Variants in ROBO3 observed in about 807,000 individuals in gnomAD.
ROBO3 encodes roundabout homolog 3.
In ROBO3, 97 loss-of-function variants were observed where a neutral mutation model predicts 160.5. The observed-to-expected ratio is 0.60, with a 90% confidence interval of 0.51 to 0.72. The LOEUF (loss-of-function observed/expected upper bound fraction) is 0.72. ROBO3 is among the 30% of genes least tolerant of loss of function. The pLI is 0.00. For missense variants in ROBO3, 1,858 were observed against 1,846.5 expected, an observed-to-expected ratio of 1.01 and a Z score of -0.11; for synonymous variants, 780 against 746.2, an observed-to-expected ratio of 1.05 and a Z score of -0.74.
Position 124,865,825 on chromosome 11 carries a change from C to G in ROBO3, c.160+88C>G, listed in dbSNP as rs1946188962. 1 of 1,407,724 alleles carries G rather than the reference C, an allele frequency of 7.1e-7. No individual in the cohort carries two copies. Among genetic ancestry groups the G allele is most frequent in the East Asian group, 2.5e-5 (1 of 40,156 alleles). 87.2% of individuals were successfully genotyped at this position (1,407,724 alleles called of 1,614,324 possible). Reference sequence around the variant, plus strand: ...GGAAGGGAAGGAGAAGCGCTCCTGTCCCGAGGTCCGGGATTGAGTGGCGCC... The same window carrying G: ...GGAAGGGAAGGAGAAGCGCTCCTGTGCCGAGGTCCGGGATTGAGTGGCGCC... On this transcript the variant is annotated intron_variant, in intron 1 of 27. Transcript: ENST00000397801. This position sits in a 1 kb window ranked among gnomAD's most constrained non-coding sequence, Gnocchi z 5.5.
In ROBO3 at chr11:124,878,485, G is replaced by C. The variant is rs1306198420; in HGVS notation, c.3320+49G>C. 2.5e-6 allele frequency: 4 copies of C among 1,604,556 alleles called. No individual in the cohort carries two copies. Among genetic ancestry groups the C allele is most frequent in the South Asian group, 1.1e-5 (1 of 90,288 alleles). On this transcript the variant is annotated intron_variant, in intron 22 of 27. Coordinates refer to ENST00000397801, the MANE Select transcript of ROBO3 (RefSeq NM_022370.4). This position sits in a 1 kb window ranked among gnomAD's most constrained non-coding sequence, Gnocchi z 4.3. ...GCCCACACACCTGCGGCCAGACCAT[G>C]GGCTGCTGGGGAGGAAGGGGAGGGG...
In ROBO3 at chr11:124,876,848, A is replaced by C; in HGVS notation, c.2780-313A>C. ...ATTGTGCGGCGGGGTCTGGATGGAA[A>C]GGCGGGGCCCGCTGAAAGAAGGCGA... On this transcript the variant is annotated intron_variant, in intron 17 of 27. Coordinates refer to ENST00000397801, the MANE Select transcript of ROBO3 (RefSeq NM_022370.4). This position sits in a 1 kb window ranked among gnomAD's most constrained non-coding sequence, Gnocchi z 5.3. 1.8e-6 allele frequency: 1 copy of C among 560,594 alleles called. No homozygotes were observed. The highest frequency in any genetic ancestry group is 3.2e-6 in the Non-Finnish European group (1 of 314,736). The allele number at this position is 560,594 out of a possible 1,614,324, so 34.7% of individuals were successfully genotyped here. A position where few individuals can be genotyped will look rare whatever the true frequency, so the allele number is the denominator to read the frequency against.
In ROBO3 at chr11:124,875,586, AGTG is replaced by A; in HGVS notation, c.2324_2326del (p.Val775del). 1 of 1,611,692 alleles carries A rather than the reference AGTG, an allele frequency of 6.2e-7. No homozygotes were observed. The highest frequency in any genetic ancestry group is 8.5e-7 in the Non-Finnish European group (1 of 1,179,008). ...CAGCCCCCAGTGGCCCCCCACAGGG[AGTG>A]GCGGTGGCCTTGGGGGGTGATGGCA... On this transcript the variant is annotated inframe_deletion, in exon 15 of 28. Transcript: ENST00000397801.
rs913711545 is a variant in ROBO3, at chr11:124,873,567, G to C, written c.1619-130G>C. ...CCATGGGAGGCAGATGTGAGTAGGG[G>C]TTCATATACTATAGCCCACTCTGAC... On this transcript the variant is annotated intron_variant, in intron 10 of 27. Transcript: ENST00000397801. The surrounding 1 kb of genome is among the most constrained non-coding windows in gnomAD (Gnocchi z 4.5). 67 of 999,884 alleles carry C rather than the reference G, an allele frequency of 6.7e-5. No individual in the cohort carries two copies. In the Middle Eastern group the frequency reaches 1.1e-3, roughly 16 times the overall value. 61.9% of individuals were successfully genotyped at this position (999,884 alleles called of 1,614,324 possible).
chr11:124,877,846 G>A, intron 20 of ROBO3, 91 bp from the exon 21 acceptor site: 1 of 1,190,000 alleles, frequency 8.4e-7, no homozygotes. Context: ...GGGGGAAGAA[G>A]TTGATCCCGT....
Position 124,872,810 on chromosome 11 carries a change from G to C in ROBO3, c.1331-74G>C. Reference sequence around the variant, plus strand: ...CTGGGGTAGGGAGGGTGAAGGAGCAGAGAATGAGGACAAGGGGCTGCCCGC... The same window carrying C: ...CTGGGGTAGGGAGGGTGAAGGAGCACAGAATGAGGACAAGGGGCTGCCCGC... On this transcript the variant is annotated intron_variant, in intron 8 of 27. Coordinates refer to ENST00000397801, the MANE Select transcript of ROBO3 (RefSeq NM_022370.4). This position sits in a 1 kb window ranked among gnomAD's most constrained non-coding sequence, Gnocchi z 4.3. 7.8e-7 allele frequency: 1 copy of C among 1,283,356 alleles called. No homozygotes were observed. Among genetic ancestry groups the C allele is most frequent in the East Asian group, 2.5e-5 (1 of 39,432 alleles). 79.5% of individuals were successfully genotyped at this position (1,283,356 alleles called of 1,614,324 possible). A position where few individuals can be genotyped will look rare whatever the true frequency, so the allele number is the denominator to read the frequency against.
In ROBO3 at chr11:124,873,291, GC is replaced by G. The variant is rs748449786; in HGVS notation, c.1537-18del. ...CTTGCTCCACTCTCAGTTTGCCAGT[GC>G]TCTGCCCTCTCTTCCAGGAGATGGA... On this transcript the variant is annotated intron_variant, in intron 9 of 27. Coordinates refer to ENST00000397801, the MANE Select transcript of ROBO3 (RefSeq NM_022370.4). This position sits in a 1 kb window ranked among gnomAD's most constrained non-coding sequence, Gnocchi z 4.5. The G allele has an allele frequency of 1.3e-6, 2 of 1,598,838 alleles. No homozygotes were observed. Among genetic ancestry groups the G allele is most frequent in the Non-Finnish European group, 1.7e-6 (2 of 1,172,500 alleles).
At position 124,869,614 on chromosome 11, in the gene ROBO3, G is replaced by A. The variant is rs1946252900; in HGVS notation, c.645+7G>A. 1.3e-6 allele frequency: 2 copies of A among 1,559,632 alleles called. No homozygotes were observed. The highest frequency in any genetic ancestry group is 1.9e-5 in the Admixed American group (1 of 53,562). ...AGAGGAAGGAAGGATCACGGTGAGG[G>A]CGGGATTATGATTGGAGACCCCAAC... On this transcript the variant is annotated splice_region_variant and intron_variant, in intron 3 of 27. Coordinates refer to ENST00000397801, the MANE Select transcript of ROBO3 (RefSeq NM_022370.4). This position sits in a 1 kb window ranked among gnomAD's most constrained non-coding sequence, Gnocchi z 4.2.
chr11:124,874,106 T>C lies in ROBO3; in HGVS notation c.1821T>C (p.Asp607=), dbSNP rs1946315612. Residue 607 remains aspartate (D), a synonymous_variant, in exon 12 of 28, where the codon GAT becomes GAC. Coordinates refer to ENST00000397801, the MANE Select transcript of ROBO3 (RefSeq NM_022370.4). ...AAGNTWRTVA[D]GVQLETHTVS... is the part of the protein sequence containing the mutation. ...GCAACACATGGCGTACTGTGGCAGA[T>C]GGCGTGCAGCTGGAGACACACACAG... 3 of 1,613,968 alleles carry C rather than the reference T, an allele frequency of 1.9e-6. No individual in the cohort carries two copies. Among genetic ancestry groups the C allele is most frequent in the Non-Finnish European group, 2.5e-6 (3 of 1,179,884 alleles).
Position 124,865,477 on chromosome 11 carries a change from C to T in ROBO3, c.-101C>T. On this transcript the variant is annotated 5_prime_UTR_variant, in exon 1 of 28. Transcript: ENST00000397801. The surrounding 1 kb of genome is among the most constrained non-coding windows in gnomAD (Gnocchi z 5.5). ...GAGAGCGGCACCGTGGCTGCCGCAG[C>T]GCGCAGAGGCTGTGGAGGGGCTTAC... 1 of 1,249,546 alleles carries T rather than the reference C, an allele frequency of 8.0e-7. No individual in the cohort carries two copies. The highest frequency in any genetic ancestry group is 1.4e-5 in the South Asian group (1 of 70,738). The allele number at this position is 1,249,546 out of a possible 1,614,324, so 77.4% of individuals were successfully genotyped here.
Position 124,876,891 on chromosome 11 carries a change from C to T in ROBO3, c.2780-270C>T. The T allele has an allele frequency of 3.4e-6, 2 of 582,940 alleles. No homozygotes were observed. Among genetic ancestry groups the T allele is most frequent in the Non-Finnish European group, 6.1e-6 (2 of 328,116 alleles). 36.1% of individuals were successfully genotyped at this position (582,940 alleles called of 1,614,324 possible). ...GAAGGCGATCCGAGTTCTGCTACTT[C>T]CTAGTAAGGGACGTCTCTGGAGAGA... is the stretch of plus-strand genomic sequence containing the variant. On this transcript the variant is annotated intron_variant, in intron 17 of 27. Transcript: ENST00000397801. This position sits in a 1 kb window ranked among gnomAD's most constrained non-coding sequence, Gnocchi z 5.3.
intron 7 of ROBO3, among the ~76,000 whole-genome samples, chr11:124,871,733 T>G (rs1387550049): frequency 2.0e-5 from 3 of 152,166 alleles, no homozygotes; most frequent in Non-Finnish European, 4.4e-5. Flanking sequence ...CAAGATAAAG[T>G]AAGTATGATG....
Position 124,870,303 on chromosome 11 carries a change from G to A in ROBO3, c.905G>A (p.Arg302Lys). The part of the protein sequence containing the change: ...RKEDGELPTG[R>K]YEIRSDHSLW... ...GAGGATGGGGAACTGCCCACAGGCAGGTGAGAGACCCCCTTCTGCCTGTAG... is the reference window on the plus strand; with the variant it reads ...GAGGATGGGGAACTGCCCACAGGCAAGTGAGAGACCCCCTTCTGCCTGTAG... The change falls in exon 5 of 28, where the codon AGG (arginine) becomes AAG (lysine). Residue 302 changes from arginine to lysine, a missense_variant and splice_region_variant. By Grantham distance (26) the Arg-to-Lys change is conservative. Transcript: ENST00000397801. The A allele has an allele frequency of 6.2e-7, 1 of 1,613,134 alleles. No individual in the cohort carries two copies. Among genetic ancestry groups the A allele is most frequent in the Non-Finnish European group, 8.5e-7 (1 of 1,179,456 alleles).
rs1216093583 is a variant in ROBO3 at position 124,873,960 on chromosome 11, C to T, written c.1784+98C>T. The T allele has an allele frequency of 1.9e-6, 3 of 1,582,194 alleles. No homozygotes were observed. The highest frequency in any genetic ancestry group is 3.4e-5 in the Admixed American group (2 of 59,644). On this transcript the variant is annotated intron_variant, in intron 11 of 27. Transcript: ENST00000397801. This position sits in a 1 kb window ranked among gnomAD's most constrained non-coding sequence, Gnocchi z 4.5. The stretch of plus-strand genomic sequence containing the variant: ...ATTGTGAGGTGGGATTCTCCAGTAC[C>T]CTCTTGCAAGGGGAAGACATAATGG...
chr11:124,874,307 A>G, intron 12 of ROBO3, 71 bp downstream of exon 12: 1 of 1,400,020 alleles, frequency 7.1e-7, no homozygotes, highest in Non-Finnish European at 9.8e-7. Context: ...CCCCAAAACC[A>G]TGACACCACG....
At position 124,869,271 on chromosome 11, in the gene ROBO3, A is replaced by G. The variant is rs561513862; in HGVS notation, c.487+143A>G. 6.3e-6 allele frequency: 7 copies of G among 1,116,682 alleles called. No individual in the cohort carries two copies. In the East Asian group the frequency reaches 1.8e-4, roughly 28 times the overall value. The allele number at this position is 1,116,682 out of a possible 1,614,324, so 69.2% of individuals were successfully genotyped here. On this transcript the variant is annotated intron_variant, in intron 2 of 27. Coordinates refer to ENST00000397801, the MANE Select transcript of ROBO3 (RefSeq NM_022370.4). The surrounding 1 kb of genome is among the most constrained non-coding windows in gnomAD (Gnocchi z 4.2). ...TTGGGACCGCGACCTTTGATCTCTA[A>G]TGGCCACACCACGGCCAGAGAAGGA...
intron 14 of ROBO3, 62 bp from the exon 15 acceptor site, chr11:124,875,502 G>A: frequency 3.1e-6 from 5 of 1,596,184 alleles, no homozygotes; most frequent in Non-Finnish European, 4.3e-6. Flanking sequence ...GAATGTTGGG[G>A]CAGGAGGGGC....
rs745854718 is a variant in ROBO3 at position 124,873,659 on chromosome 11, T to G, written c.1619-38T>G. 2 of 1,560,766 alleles carry G rather than the reference T, an allele frequency of 1.3e-6. No individual in the cohort carries two copies. Among genetic ancestry groups the G allele is most frequent in the Non-Finnish European group, 1.7e-6 (2 of 1,147,634 alleles). The stretch of plus-strand genomic sequence containing the variant: ...GACAGGTTACACTAGGATTATCCTT[T>G]CCCTATCTTTCTACTTAAAGATTAT... On this transcript the variant is annotated intron_variant, in intron 10 of 27. Transcript: ENST00000397801. This position sits in a 1 kb window ranked among gnomAD's most constrained non-coding sequence, Gnocchi z 4.5.
At chr11:124,875,412 A>T in intron 14 of ROBO3, 76 bp downstream of exon 14, 2 of 1,548,820 alleles carry the variant, frequency 1.3e-6, no homozygotes, top group Non-Finnish European at 1.8e-6. Context: ...GGGGATGAAA[A>T]TTTGCAGGAG....
Sources: gnomAD v4.1 joint callset for allele counts (sites outside exome capture counted in the v4.1 genomes callset) on GRCh38, gnomAD v4.1.1 for gene constraint, Gnocchi (gnomAD v3.1) non-coding constraint, MANE v1.5 for transcripts, NCBI Gene and HGNC (gene_info 2026-07-23, HGNC 2026-07-21) for gene names.